The following SH3D19 variants were observed in gnomAD, a reference collection of about 807,000 sequenced individuals.
The protein encoded by SH3D19 is SH3 domain containing 19.
SH3D19 carries 58 observed loss-of-function variants against 112.1 expected under a neutral mutation model. The ratio of observed to expected loss-of-function variants is 0.52; its 90% CI spans 0.42 to 0.64. The LOEUF (loss-of-function observed/expected upper bound fraction) is 0.64, where lower values mean the gene tolerates loss of function less well. Ranked by LOEUF, SH3D19 falls within the 30% of genes least tolerant of loss-of-function variation. The pLI, the probability that SH3D19 is intolerant of heterozygous loss-of-function variation, is 0.00. For missense variants in SH3D19, 1,090 were observed against 1,263.4 expected (o/e 0.86, Z 2.08); for synonymous variants, 391 against 448.5 (o/e 0.87, Z 1.62).
chr4:151,228,621 TA>T (rs1769331247), intron 1 of SH3D19, among the ~76,000 whole-genome samples: 1 of 152,174 alleles, frequency 6.6e-6, no homozygotes, highest in African/African-American at 2.4e-5. Context: ...GGCAAAATAA[TA>T]AGTGGTTATT....
chr4:151,139,539 CTCTT>C (rs1447362591), intron 13 of SH3D19, among the ~76,000 whole-genome samples: 2 of 152,206 alleles, frequency 1.3e-5, no homozygotes, highest in African/African-American at 4.8e-5. Flanking sequence ...CTCTCTCTCT[CTCTT>C]TCTCTTTCTC....
intron 2 of SH3D19, among the ~76,000 whole-genome samples, chr4:151,212,600 A>G (rs550684413): frequency 6.8e-4 from 103 of 152,334 alleles, no homozygotes; most frequent in African/African-American, 2.2e-3. Flanking sequence ...GCTCAGGAAA[A>G]AAGATTCCTT....
rs11943653 is a variant in SH3D19, at chr4:151,168,774, C to G, written c.1535-3078G>C. Among the ~76,000 whole-genome samples, 1,518 of 152,156 alleles carry G rather than the reference C, an allele frequency of 1.0e-2. 20 individuals are homozygous for G. Among genetic ancestry groups the G allele is most frequent in the African/African-American group, 0.035 (1,454 of 41,504 alleles). On this transcript the variant is annotated intron_variant, in intron 7 of 19. Transcript: ENST00000604030. ...TAACAGCTGCTTTTGGTATCAATAC[C>G]CTGTTGGTTATTAGTTTAAAATTTT...
intron 14 of SH3D19, among the ~76,000 whole-genome samples, chr4:151,136,392 A>C (rs1445400731): frequency 2.0e-5 from 3 of 152,046 alleles, no homozygotes; most frequent in African/African-American, 7.2e-5. Context: ...AAGTGATCCT[A>C]CCTACTGCCT....
At position 151,310,770 on chromosome 4, in the gene SH3D19, C is replaced by A. The variant is rs187250087; in HGVS notation, c.112+14471G>T. Among the ~76,000 whole-genome samples the A allele has an allele frequency of 2.3e-3, 354 of 151,678 alleles. 2 individuals are homozygous for A. Among genetic ancestry groups the A allele is most frequent in the Non-Finnish European group, 1.3e-3 (88 of 67,914 alleles). On this transcript the variant is annotated intron_variant, in intron 1 of 19. Coordinates refer to ENST00000604030, the MANE Select transcript of SH3D19 (RefSeq NM_001378122.1). Reference sequence around the variant, plus strand: ...TATTTTTAGTAGAGACGGGGTTTCACCATGTTGACCAGGCTGGTCTCGAAC... The same window carrying A: ...TATTTTTAGTAGAGACGGGGTTTCAACATGTTGACCAGGCTGGTCTCGAAC...
intron 1 of SH3D19, among the ~76,000 whole-genome samples, chr4:151,240,452 G>A (rs1210769869): frequency 2.0e-5 from 3 of 151,542 alleles, no homozygotes; most frequent in African/African-American, 7.3e-5. Flanking sequence ...TTCACTACGT[G>A]TTTCATAAGC....
chr4:151,173,943 T>C (rs1759491726), intron 7 of SH3D19, among the ~76,000 whole-genome samples: 1 of 152,214 alleles, frequency 6.6e-6, no homozygotes, highest in African/African-American at 2.4e-5. Context: ...AGCTTTACCA[T>C]CACACTCTCC....
chr4:151,265,493 C>T (rs913165670), intron 1 of SH3D19, among the ~76,000 whole-genome samples: 1 of 151,488 alleles, frequency 6.6e-6, no homozygotes, highest in African/African-American at 2.4e-5. Flanking sequence ...TTATCCGATA[C>T]TACTCCAAGC....
At chr4:151,281,587 T>G (rs931454266) in intron 1 of SH3D19, among the ~76,000 whole-genome samples, 1 of 152,056 alleles carries the variant, frequency 6.6e-6, no homozygotes, top group Non-Finnish European at 1.5e-5. Context: ...TTGAAAACAC[T>G]TGAAAATTAC....
In SH3D19 at chr4:151,175,368, G is replaced by A; in HGVS notation, c.836C>T (p.Ala279Val). The stretch of plus-strand genomic sequence containing the variant: ...TTCTGTGTTCATAATGTTCATCACT[G>A]CCTGACTGTCTGAGGTGCTAGCGTT... ...LDNASTSDSQ[A>V]VMNIMNTEQS... Residue 279 changes from alanine (A) to valine (V), a missense_variant, in exon 7 of 20, where the codon GCA becomes GTA. Coordinates refer to ENST00000604030, the MANE Select transcript of SH3D19 (RefSeq NM_001378122.1). 1 of 1,599,980 alleles carries A rather than the reference G, an allele frequency of 6.3e-7. No individual in the cohort carries two copies. Among genetic ancestry groups the A allele is most frequent in the Non-Finnish European group, 8.5e-7 (1 of 1,173,000 alleles).
chr4:151,133,235 C>T lies in SH3D19; in HGVS notation c.2488G>A (p.Gly830Ser). 5 of 1,613,926 alleles carry T rather than the reference C, an allele frequency of 3.1e-6. No homozygotes were observed. The highest frequency in any genetic ancestry group is 3.4e-6 in the Non-Finnish European group (4 of 1,179,908). ...TCAAACCGAGCAACACATCTTGAGCCTCTGAATGAAGAACACATTTTGTGG... is the reference window on the plus strand; with the variant it reads ...TCAAACCGAGCAACACATCTTGAGCTTCTGAATGAAGAACACATTTTGTGG... Reference protein sequence around the residue: ...RECVSSHCVKGSRCVARFEYI... With the variant: ...RECVSSHCVKSSRCVARFEYI... The change falls in exon 16 of 20, where the codon GGC (glycine) becomes AGC (serine). Residue 830 changes from glycine (G) to serine (S), a missense_variant and splice_region_variant. Transcript: ENST00000604030.
intron 1 of SH3D19, among the ~76,000 whole-genome samples, chr4:151,269,528 C>T (rs1773080035): frequency 6.6e-6 from 1 of 152,130 alleles, no homozygotes; most frequent in South Asian, 2.1e-4. Context: ...ATGCCTATGT[C>T]CTGAATTGTA....
chr4:151,160,977 T>C (rs138046035), intron 8 of SH3D19, among the ~76,000 whole-genome samples: 9 of 152,280 alleles, frequency 5.9e-5, no homozygotes, highest in Non-Finnish European at 1.2e-4. Context: ...TACAAGGAAA[T>C]AGTTAATCAT....
intron 8 of SH3D19, among the ~76,000 whole-genome samples, chr4:151,160,234 C>T: frequency 6.6e-6 from 1 of 151,966 alleles, no homozygotes; most frequent in East Asian, 1.9e-4. Flanking sequence ...CTACAGGCAC[C>T]CGCCACCACG....
At chr4:151,318,536 GACA>G (rs758222552) in intron 1 of SH3D19, among the ~76,000 whole-genome samples, 17 of 152,074 alleles carry the variant, frequency 1.1e-4, no homozygotes, top group South Asian at 1.0e-3. Flanking sequence ...TTTTTCCTCT[GACA>G]ACATGAATTC....
Position 151,159,307 on chromosome 4 carries a change from T to G in SH3D19, c.1688A>C (p.Lys563Thr), listed in dbSNP as rs780489185. ...PQSPPPLPAE[K>T]PIGNTFSTVS... ...TGTACTGAAAGTGTTTCCAATAGGT[T>G]TTTCAGCAGGGAGAGGAGGTGGACT... The change falls in exon 9 of 20, where the codon AAA becomes ACA. Residue 563 changes from lysine (K) to threonine (T), a missense_variant. Physicochemically the swap from Lys to Thr is moderately conservative, Grantham distance 78 (BLOSUM62 -1). Coordinates refer to ENST00000604030, the MANE Select transcript of SH3D19 (RefSeq NM_001378122.1). 1.9e-6 allele frequency: 3 copies of G among 1,579,124 alleles called. No homozygotes were observed. In the Admixed American group the frequency reaches 5.7e-5, roughly 30 times the overall value.
intron 1 of SH3D19, among the ~76,000 whole-genome samples, chr4:151,280,129 G>A (rs1774070003): frequency 1.5e-5 from 1 of 66,614 alleles, no homozygotes; most frequent in South Asian, 5.9e-4. Flanking sequence ...CATAGAAGTA[G>A]AAAAAGGAAA....
intron 1 of SH3D19, among the ~76,000 whole-genome samples, chr4:151,235,794 A>AT (rs1269423791): frequency 1.3e-5 from 2 of 152,010 alleles, no homozygotes; most frequent in Admixed American, 6.6e-5. Context: ...TCAAAAAAAA[A>AT]TTTTTTTTCT....
At chr4:151,237,331 CTT>C (rs1267105107) in intron 1 of SH3D19, among the ~76,000 whole-genome samples, 36 of 152,086 alleles carry the variant, frequency 2.4e-4, no homozygotes, top group Admixed American at 2.2e-3. Flanking sequence ...AATTCTATCA[CTT>C]ATATATCTTT....
Sources: allele counts gnomAD v4.1 joint callset (sites outside exome capture counted in the v4.1 genomes callset), GRCh38; gene constraint gnomAD v4.1.1; transcripts MANE v1.5; gene names NCBI Gene and HGNC (gene_info 2026-07-23, HGNC 2026-07-21).